Variants in HTR2C observed in about 807,000 individuals in gnomAD.
HTR2C encodes the protein 5-hydroxytryptamine (serotonin) receptor 2C, G protein-coupled.
Under a neutral mutation model 21.0 loss-of-function variants are expected in HTR2C, and 5 were observed. That is an observed-to-expected ratio of 0.24 (90% CI 0.12 to 0.50). The LOEUF is 0.50. Ranked by LOEUF, HTR2C falls within the 20% of genes least tolerant of loss-of-function variation. The pLI is 0.98. For synonymous variants in HTR2C, 150 were observed against 145.3 expected (o/e 1.03, Z -0.23); for missense variants, 271 against 371.2 (o/e 0.73, Z 2.22).
At chrX:114,805,157 G>A (rs1462769154) in intron 4 of HTR2C, among the ~76,000 whole-genome samples, 1 of 111,172 alleles carries the variant, frequency 9.0e-6, no homozygotes, top group Non-Finnish European at 1.9e-5. Context: ...GTTTATGCTG[G>A]TGTTTCCCAT....
intron 5 of HTR2C, among the ~76,000 whole-genome samples, chrX:114,882,892 G>A (rs2071192478): frequency 9.1e-6 from 1 of 109,704 alleles, no homozygotes; most frequent in South Asian, 3.8e-4. Flanking sequence ...GAAAAGTTTG[G>A]GAAGAACTGG....
chrX:114,859,340 G>T (rs1469866976), intron 5 of HTR2C, among the ~76,000 whole-genome samples: 1 of 111,244 alleles, frequency 9.0e-6, no homozygotes, highest in Non-Finnish European at 1.9e-5. Flanking sequence ...GTGTGTGCGT[G>T]TGCATGCATG....
intron 4 of HTR2C, among the ~76,000 whole-genome samples, chrX:114,773,157 A>G (rs1043218803): frequency 1.8e-5 from 2 of 112,249 alleles, no homozygotes; most frequent in Non-Finnish European, 3.8e-5. Flanking sequence ...CACCCTGAAA[A>G]TCAGGTACAC....
At chrX:114,608,618 A>C (rs1318788901) in intron 1 of HTR2C, among the ~76,000 whole-genome samples, 1 of 111,778 alleles carries the variant, frequency 8.9e-6, no homozygotes, top group African/African-American at 3.2e-5. Flanking sequence ...CTAAGTTCTT[A>C]ATTTTTTCAC....
At position 114,848,143 on chromosome X, in the gene HTR2C, C is replaced by A; in HGVS notation, c.490C>A (p.Arg164Ser). The A allele has an allele frequency of 8.3e-7, 1 of 1,210,501 alleles. No individual in the cohort carries two copies. The highest frequency in any genetic ancestry group is 1.1e-6 in the Non-Finnish European group (1 of 894,577). ...VAIRNPIEHSRFNSRTKAIMK... is the reference protein window; with the variant it reads ...VAIRNPIEHSSFNSRTKAIMK... ...AATACGTAATCCTATTGAGCATAGC[C>A]GTTTCAATTCGCGGACTAAGGCCAT... The change falls in exon 5 of 6, where the codon CGT becomes AGT. Residue 164 changes from arginine (R) to serine (S), a missense_variant. This residue lies in a region of HTR2C where 192 missense variants were observed against 247.2 expected (regional missense o/e 0.78). Transcript: ENST00000276198.
intron 5 of HTR2C, among the ~76,000 whole-genome samples, chrX:114,863,102 T>A (rs1556473516): frequency 8.9e-6 from 1 of 112,005 alleles, no homozygotes. Flanking sequence ...TGATGGACAC[T>A]TAGGTAGATT....
chrX:114,903,152 A>T (rs888057545), intron 5 of HTR2C, among the ~76,000 whole-genome samples: 15 of 111,229 alleles, frequency 1.3e-4, no homozygotes, highest in Admixed American at 6.7e-4. Flanking sequence ...ATTTTTTTTT[A>T]AAGTATTGAA....
chrX:114,585,188 G>A (rs146167682), intron 1 of HTR2C, among the ~76,000 whole-genome samples: 2,967 of 110,242 alleles, frequency 0.027, 102 homozygotes, highest in African/African-American at 0.093. Flanking sequence ...CCTTTATTAT[G>A]TTCTCATTGA....
At chrX:114,736,576 G>T (rs113639938) in intron 4 of HTR2C, among the ~76,000 whole-genome samples, 360 of 111,818 alleles carry the variant, frequency 3.2e-3, no homozygotes, top group African/African-American at 0.01. Context: ...AACGGTGGAA[G>T]AATACATTTA....
intron 2 of HTR2C, among the ~76,000 whole-genome samples, chrX:114,622,381 C>CA (rs1194119974): frequency 5.2e-4 from 56 of 108,170 alleles, no homozygotes; most frequent in African/African-American, 1.1e-3. Flanking sequence ...TGAAATACTA[C>CA]AAAAAAAAAC....
chrX:114,745,043 G>A (rs958672184), intron 4 of HTR2C, among the ~76,000 whole-genome samples: 6 of 111,793 alleles, frequency 5.4e-5, no homozygotes, highest in Non-Finnish European at 9.4e-5. Flanking sequence ...ACCCACAGAA[G>A]GGGAGAAAAA....
intron 2 of HTR2C, among the ~76,000 whole-genome samples, chrX:114,670,007 G>A (rs1411687526): frequency 9.0e-6 from 1 of 111,666 alleles, no homozygotes; most frequent in African/African-American, 3.3e-5. Flanking sequence ...GGGAGGCCAA[G>A]GCGGGAGGTT....
chrX:114,749,552 A>G (rs781973590), intron 4 of HTR2C, among the ~76,000 whole-genome samples: 2 of 109,196 alleles, frequency 1.8e-5, no homozygotes, highest in South Asian at 8.1e-4. Context: ...AATATGGCAA[A>G]TAGGATGAAA....
intron 4 of HTR2C, among the ~76,000 whole-genome samples, chrX:114,806,881 C>A (rs1399271047): frequency 1.0e-5 from 1 of 99,931 alleles, no homozygotes; most frequent in Non-Finnish European, 2.0e-5. Flanking sequence ...TGTATATACA[C>A]CATATATATA....
chrX:114,597,078 C>T (rs373578649), intron 1 of HTR2C, among the ~76,000 whole-genome samples: 6 of 109,252 alleles, frequency 5.5e-5, no homozygotes, highest in East Asian at 2.9e-4. Context: ...ATTATCCCGG[C>T]GTGGTTGTGT....
At chrX:114,755,337 A>G (rs1280970605) in intron 4 of HTR2C, among the ~76,000 whole-genome samples, 4 of 111,217 alleles carry the variant, frequency 3.6e-5, no homozygotes, top group African/African-American at 1.3e-4. Context: ...ACTTGTCTGC[A>G]AGGTCATGCT....
intron 4 of HTR2C, among the ~76,000 whole-genome samples, chrX:114,804,862 T>A (rs1287983220): frequency 8.9e-6 from 1 of 111,899 alleles, no homozygotes; most frequent in Non-Finnish European, 1.9e-5. Context: ...TTTTTTATGC[T>A]ACCATTTGTT....
At chrX:114,604,862 T>C (rs1928333330) in intron 1 of HTR2C, among the ~76,000 whole-genome samples, 1 of 111,346 alleles carries the variant, frequency 9.0e-6, no homozygotes, top group Admixed American at 9.5e-5. Flanking sequence ...GGGGTTTGTC[T>C]CAGAGTGGAG....
At chrX:114,602,694 G>C (rs1211071916) in intron 1 of HTR2C, among the ~76,000 whole-genome samples, 1 of 41,886 alleles carries the variant, frequency 2.4e-5, no homozygotes, top group African/African-American at 9.5e-5. Context: ...AGAAATGACT[G>C]TGGTGGCCTT....
Sources: gnomAD v4.1 joint callset for allele counts (sites outside exome capture counted in the v4.1 genomes callset) on GRCh38, gnomAD v4.1.1 for gene constraint, gnomAD v4.1.1 regional missense constraint, MANE v1.5 for transcripts, NCBI Gene and HGNC (gene_info 2026-07-23, HGNC 2026-07-21) for gene names.